ARMCX4: variants seen among roughly 807,000 people sequenced by gnomAD.
The protein encoded by ARMCX4 is armadillo repeat-containing X-linked protein 4.
A neutral mutation model predicts 34.7 loss-of-function variants in ARMCX4; 3 were observed. The ratio of observed to expected loss-of-function variants is 0.09; its 90% confidence interval spans 0.04 to 0.22. ARMCX4 has a LOEUF of 0.22. ARMCX4 is among the 10% of genes least tolerant of loss of function. The probability of loss-of-function intolerance (pLI) is 1.00; values close to 1 mark genes in which losing one functional copy is unlikely to be tolerated. For missense variants in ARMCX4, 1,448 were observed against 1,720.8 expected (o/e 0.84, Z 2.81); for synonymous variants, 513 against 632.8 (o/e 0.81, Z 2.84).
At chrX:101,463,742 T>A (rs1932721586) in intron 4 of ARMCX4, among the ~76,000 whole-genome samples, 1 of 110,742 alleles carries the variant, frequency 9.0e-6, no homozygotes, top group Admixed American at 9.7e-5. Flanking sequence ...AGTATTAATT[T>A]TATTATTTAT....
At chrX:101,513,314 T>C (rs1934636095) in intron 11 of ARMCX4, among the ~76,000 whole-genome samples, 1 of 111,509 alleles carries the variant, frequency 9.0e-6, no homozygotes, top group African/African-American at 3.3e-5. Context: ...TTGGCACCCA[T>C]ACACATCTCC....
intron 2 of ARMCX4, among the ~76,000 whole-genome samples, chrX:101,433,275 T>C (rs1262445415): frequency 1.8e-5 from 2 of 108,571 alleles, no homozygotes; most frequent in Non-Finnish European, 3.8e-5. Context: ...TATGTACACA[T>C]GTACGTACAC....
chrX:101,432,002 A>G (rs1170408229), intron 2 of ARMCX4, among the ~76,000 whole-genome samples: 1 of 112,794 alleles, frequency 8.9e-6, no homozygotes, highest in East Asian at 2.8e-4. Flanking sequence ...GGAAATTACT[A>G]TTGATATTCT....
intron 4 of ARMCX4, among the ~76,000 whole-genome samples, chrX:101,465,757 A>G (rs1932782822): frequency 8.9e-6 from 1 of 112,167 alleles, no homozygotes; most frequent in Admixed American, 9.5e-5. Context: ...GTTTATTTTT[A>G]GGTACAAGGA....
At chrX:101,506,978 TA>T (rs1166913397) in intron 8 of ARMCX4, among the ~76,000 whole-genome samples, 1 of 111,700 alleles carries the variant, frequency 9.0e-6, no homozygotes, top group Non-Finnish European at 1.9e-5. Context: ...TTATATTTTT[TA>T]TTAACTATTT....
intron 2 of ARMCX4, among the ~76,000 whole-genome samples, chrX:101,422,264 G>A (rs782124163): frequency 4.5e-5 from 5 of 110,833 alleles, no homozygotes; most frequent in South Asian, 3.8e-4. Flanking sequence ...TGATCCACCC[G>A]CCTCAGCCTC....
At chrX:101,452,364 C>T (rs782808871), downstream of ARMCX4, among the ~76,000 whole-genome samples, 2 of 112,055 alleles carry the variant, frequency 1.8e-5, no homozygotes, top group South Asian at 3.7e-4. Flanking sequence ...TGTCTTGAGG[C>T]TTCCAACTGC....
downstream of ARMCX4, among the ~76,000 whole-genome samples, chrX:101,534,703 T>G (rs1209979364): frequency 9.0e-6 from 1 of 110,932 alleles, no homozygotes; most frequent in Non-Finnish European, 1.9e-5. Context: ...CAGATTACAT[T>G]GTGATGACCC....
chrX:101,432,923 C>CACGT (rs1930242330), intron 2 of ARMCX4, among the ~76,000 whole-genome samples: 12 of 61,923 alleles, frequency 1.9e-4, no homozygotes, highest in Admixed American at 5.7e-4. Context: ...CGTATACATA[C>CACGT]GTATATATAT....
intron 11 of ARMCX4, among the ~76,000 whole-genome samples, chrX:101,530,721 GA>G (rs1935110903): frequency 9.0e-6 from 1 of 111,120 alleles, no homozygotes; most frequent in South Asian, 3.8e-4. Context: ...AAGACAACAT[GA>G]AAATATTCTC....
chrX:101,420,881 C>T (rs113167665), intron 2 of ARMCX4, among the ~76,000 whole-genome samples: 22 of 112,202 alleles, frequency 2.0e-4, no homozygotes, highest in East Asian at 8.4e-4. Context: ...ATGGGGAGAA[C>T]GAATCAGATT....
At chrX:101,450,100 C>G (rs1482931420), downstream of ARMCX4, among the ~76,000 whole-genome samples, 1 of 112,202 alleles carries the variant, frequency 8.9e-6, no homozygotes. Context: ...GCTGAGCCTC[C>G]TGGAGCTGGA....
At chrX:101,525,080 A>T (rs781823125) in intron 11 of ARMCX4, among the ~76,000 whole-genome samples, 1 of 111,429 alleles carries the variant, frequency 9.0e-6, no homozygotes, top group Non-Finnish European at 1.9e-5. Flanking sequence ...CCAGATGCCT[A>T]TCTGAGACAC....
chrX:101,474,412 C>T (rs1206961073), intron 4 of ARMCX4, among the ~76,000 whole-genome samples: 1 of 109,845 alleles, frequency 9.1e-6, no homozygotes, highest in African/African-American at 3.3e-5. Flanking sequence ...CCTTCTGAAA[C>T]TATTTCAATC....
intron 4 of ARMCX4, among the ~76,000 whole-genome samples, chrX:101,462,928 A>G (rs528660232): frequency 3.6e-5 from 4 of 111,879 alleles, no homozygotes; most frequent in African/African-American, 6.5e-5. Flanking sequence ...AGAAAGTCCT[A>G]TATTCAGAGG....
At chrX:101,527,787 G>A (rs1038981799) in intron 11 of ARMCX4, among the ~76,000 whole-genome samples, 15 of 111,779 alleles carry the variant, frequency 1.3e-4, no homozygotes, top group Non-Finnish European at 1.9e-5. Flanking sequence ...CCAGGAAGAA[G>A]TCAAATCTCT....
intron 8 of ARMCX4, among the ~76,000 whole-genome samples, chrX:101,507,514 C>T (rs782286183): frequency 9.0e-6 from 1 of 111,399 alleles, no homozygotes; most frequent in Admixed American, 9.6e-5. Context: ...CCCTTCAGGC[C>T]TAATGTACAG....
At chrX:101,451,360 A>T (rs1162450480), downstream of ARMCX4, among the ~76,000 whole-genome samples, 1 of 111,406 alleles carries the variant, frequency 9.0e-6, no homozygotes, top group East Asian at 2.8e-4. Flanking sequence ...CACTGAGTTC[A>T]ATGCTAAGTC....
chrX:101,519,062 A>G (rs1934798247), intron 11 of ARMCX4, among the ~76,000 whole-genome samples: 1 of 111,143 alleles, frequency 9.0e-6, no homozygotes, highest in Non-Finnish European at 1.9e-5. Flanking sequence ...AAATAATAAA[A>G]TATATATTAG....
Sources: gnomAD v4.1 joint callset for allele counts (sites outside exome capture counted in the v4.1 genomes callset) on GRCh38, gnomAD v4.1.1 for gene constraint, MANE v1.5 for transcripts, NCBI Gene and HGNC (gene_info 2026-07-23, HGNC 2026-07-21) for gene names.